Variants in TTLL9 observed in about 807,000 individuals in gnomAD.
TTLL9 encodes tubulin tyrosine ligase like 9.
In TTLL9, 47 loss-of-function variants were observed where a neutral mutation model predicts 65.6. The ratio of observed to expected loss-of-function variants is 0.72; its 90% CI spans 0.57 to 0.91. TTLL9 has a LOEUF of 0.91. TTLL9 is among the 40% of genes least tolerant of loss of function. TTLL9 has a pLI of 0.00. For missense variants in TTLL9, 537 were observed against 568.8 expected, an observed-to-expected ratio of 0.94 and a Z score of 0.57; for synonymous variants, 179 against 204.8, an observed-to-expected ratio of 0.87 and a Z score of 1.07.
intron 3 of TTLL9, among the ~76,000 whole-genome samples, chr20:31,889,195 G>A (rs2063244868): frequency 6.6e-6 from 1 of 152,152 alleles, no homozygotes; most frequent in African/African-American, 2.4e-5. Flanking sequence ...TATTCACAAA[G>A]AGTGAAGAAA....
intron 2 of TTLL9, chr20:31,879,922 C>G: frequency 2.0e-6 from 3 of 1,475,444 alleles, no homozygotes; most frequent in Non-Finnish European, 2.7e-6. Flanking sequence ...GACCCAGATG[C>G]TTTTATCGTC....
chr20:31,871,092 C>T, intron 1 of TTLL9, 30 bp from the exon 2 acceptor site: 5 of 1,605,428 alleles, frequency 3.1e-6, no homozygotes, highest in Non-Finnish European at 4.3e-6. Context: ...CATCCTCTCA[C>T]TCCTTCCTTC....
chr20:31,909,954 G>A, intron 6 of TTLL9, 32 bp downstream of exon 6: 3 of 1,530,834 alleles, frequency 2.0e-6, no homozygotes, highest in Non-Finnish European at 2.7e-6. Context: ...CTGGGTGGGA[G>A]GGAATGAGTC....
In TTLL9 at chr20:31,919,948, C is replaced by T. The variant is rs1310217543; in HGVS notation, c.573+16C>T. 1 of 1,571,002 alleles carries T rather than the reference C, an allele frequency of 6.4e-7. No individual in the cohort carries two copies. The highest frequency in any genetic ancestry group is 8.6e-7 in the Non-Finnish European group (1 of 1,159,796). ...CTGGAGGAAGGTGAGCCTGCCTCTT[C>T]CCCCTTCCTCCCTGAACCCTCCTCT... On this transcript the variant is annotated intron_variant, in intron 7 of 14. Coordinates refer to ENST00000535842, the MANE Select transcript of TTLL9 (RefSeq NM_001008409.5).
intron 2 of TTLL9, among the ~76,000 whole-genome samples, chr20:31,873,737 A>AGAAG (rs1317833818): frequency 7.5e-6 from 1 of 133,608 alleles, no homozygotes; most frequent in African/African-American, 2.8e-5. Context: ...AAAGAAAGAA[A>AGAAG]AAGGAAGGAA....
chr20:31,880,253 G>T (rs958146303), intron 2 of TTLL9, among the ~76,000 whole-genome samples: 31 of 152,016 alleles, frequency 2.0e-4, no homozygotes, highest in Admixed American at 1.6e-3. Flanking sequence ...GGCGAAACCC[G>T]CCTGCCCGTC....
intron 3 of TTLL9, among the ~76,000 whole-genome samples, chr20:31,894,300 C>G (rs2063352468): frequency 6.6e-6 from 1 of 151,760 alleles, no homozygotes; most frequent in Admixed American, 6.6e-5. Context: ...AATGGGGTCT[C>G]ACTGTGTTGC....
chr20:31,909,655 G>GTGGC, intron 5 of TTLL9, 82 bp from the exon 6 acceptor site: 1 of 1,337,782 alleles, frequency 7.5e-7, no homozygotes, highest in Admixed American at 1.9e-5. Context: ...AGGCTGCAGG[G>GTGGC]TGGCTGGTGG....
intron 4 of TTLL9, among the ~76,000 whole-genome samples, chr20:31,901,800 T>C (rs1254859801): frequency 6.6e-6 from 1 of 152,210 alleles, no homozygotes; most frequent in Non-Finnish European, 1.5e-5. Flanking sequence ...CGTAGGTCCC[T>C]CAACTACCCC....
At position 31,909,881 on chromosome 20, in the gene TTLL9, G is replaced by A; in HGVS notation, c.463G>A (p.Glu155Lys). The A allele has an allele frequency of 6.3e-7, 1 of 1,590,482 alleles. No individual in the cohort carries two copies. Among genetic ancestry groups the A allele is most frequent in the Non-Finnish European group, 8.6e-7 (1 of 1,165,440 alleles). Reference sequence around the variant, plus strand: ...TTGCGAGTACCACCTGTTTGTAGAGGAGTTTCGCAAAAACCCAGGAATCAC... The same window carrying A: ...TTGCGAGTACCACCTGTTTGTAGAGAAGTTTCGCAAAAACCCAGGAATCAC... Reference protein sequence around the residue: ...MPCEYHLFVEEFRKNPGITWI... With the variant: ...MPCEYHLFVEKFRKNPGITWI... The change falls in exon 6 of 15, where the codon GAG (glutamate) becomes AAG (lysine). Residue 155 changes from glutamate (E) to lysine (K), a missense_variant. Physicochemically the swap from Glu to Lys is moderately conservative, Grantham distance 56. Around this residue, in one of 3 missense-constraint regions of TTLL9, gnomAD observed 320 missense variants for 311.0 expected, o/e 1.03. Transcript: ENST00000535842.
In TTLL9 at chr20:31,879,559, C is replaced by T; in HGVS notation, c.70-7637C>T. Reference sequence around the variant, plus strand: ...CCGAAAGCTGACAACTTTTCAGATGCAGCGCTCCCAGTTTAAGGAAAGTGC... The same window carrying T: ...CCGAAAGCTGACAACTTTTCAGATGTAGCGCTCCCAGTTTAAGGAAAGTGC... On this transcript the variant is annotated intron_variant, in intron 2 of 14. Transcript: ENST00000535842. 4 of 358,650 alleles carry T rather than the reference C, an allele frequency of 1.1e-5. No individual in the cohort carries two copies. The South Asian group carries it at 2.3e-4, about 20-fold the overall frequency. 22.2% of individuals were successfully genotyped at this position (358,650 alleles called of 1,614,324 possible).
Position 31,922,992 on chromosome 20 carries a change from TGATATTCCCGTG to T in TTLL9, c.606_617del (p.Asp202_Val205del). On this transcript the variant is annotated inframe_deletion, in exon 8 of 15. Transcript: ENST00000535842. ...CAAGAAGCTCTGACGACCAGAAAGA[TGATATTCCCGTG>T]GAGAACTATGTGGCTCAGCGTTACA... is the stretch of plus-strand genomic sequence containing the variant. 1 of 1,613,616 alleles carries T rather than the reference TGATATTCCCGTG, an allele frequency of 6.2e-7. No homozygotes were observed. Among genetic ancestry groups the T allele is most frequent in the South Asian group, 1.1e-5 (1 of 91,070 alleles).
At chr20:31,942,623 T>C (rs544485609) in intron 14 of TTLL9, among the ~76,000 whole-genome samples, 1 of 152,322 alleles carries the variant, frequency 6.6e-6, no homozygotes, top group South Asian at 2.1e-4. Flanking sequence ...CTACACATCA[T>C]TCCTGCGAGG....
At chr20:31,928,299 T>C (rs1314837579) in intron 10 of TTLL9, among the ~76,000 whole-genome samples, 1 of 152,086 alleles carries the variant, frequency 6.6e-6, no homozygotes, top group African/African-American at 2.4e-5. Context: ...TATATTGTTT[T>C]AAATGTTTAA....
chr20:31,939,983 T>C (rs1387174969), intron 14 of TTLL9: 1 of 152,252 alleles, frequency 6.6e-6, no homozygotes, highest in Non-Finnish European at 1.5e-5. Context: ...CAAAATTTAC[T>C]AAACCAATTT....
intron 3 of TTLL9, among the ~76,000 whole-genome samples, chr20:31,890,125 C>CCTAT (rs2063277899): frequency 2.4e-5 from 2 of 83,470 alleles, no homozygotes; most frequent in African/African-American, 1.0e-4. Flanking sequence ...TTCCTTCCTT[C>CCTAT]CTTCCTTCCT....
At chr20:31,929,150 T>C (rs2063962512) in intron 10 of TTLL9, among the ~76,000 whole-genome samples, 1 of 152,176 alleles carries the variant, frequency 6.6e-6, no homozygotes, top group South Asian at 2.1e-4. Context: ...CCCACCTTGA[T>C]CTTCCAAGGT....
At chr20:31,899,566 C>T (rs1280613868) in intron 4 of TTLL9, among the ~76,000 whole-genome samples, 6 of 151,696 alleles carry the variant, frequency 4.0e-5, no homozygotes, top group East Asian at 3.9e-4. Context: ...CCGAAGAGGT[C>T]GAGGCTGCAG....
chr20:31,907,897 T>C (rs1307809293), intron 4 of TTLL9, among the ~76,000 whole-genome samples: 1 of 152,182 alleles, frequency 6.6e-6, no homozygotes, highest in African/African-American at 2.4e-5. Context: ...GATAGTGTTT[T>C]ATTTCCTGTG....
Sources: allele counts gnomAD v4.1 joint callset (sites outside exome capture counted in the v4.1 genomes callset), GRCh38; gene constraint gnomAD v4.1.1; regional missense constraint gnomAD v4.1.1; transcripts MANE v1.5; gene names NCBI Gene and HGNC (gene_info 2026-07-23, HGNC 2026-07-21).